POLR3B: variants seen among roughly 807,000 people sequenced by gnomAD.
POLR3B encodes the protein RNA polymerase III subunit B, also known as DNA-directed RNA polymerase III subunit RPC2.
In POLR3B, 96 loss-of-function variants were observed where a neutral mutation model predicts 147.4. The observed-to-expected ratio is 0.65, with a 90% CI of 0.55 to 0.77. POLR3B has a LOEUF of 0.77. POLR3B is among the 30% of genes least tolerant of loss of function. The pLI is 0.00. For missense variants in POLR3B, 1,036 were observed against 1,413.5 expected (o/e 0.73, Z 4.28); for synonymous variants, 461 against 485.9 (o/e 0.95, Z 0.67).
At chr12:106,390,225 A>C (rs1008601886) in intron 9 of POLR3B, among the ~76,000 whole-genome samples, 1 of 149,984 alleles carries the variant, frequency 6.7e-6, no homozygotes, top group Non-Finnish European at 1.5e-5. Context: ...CTCTGAAAAA[A>C]AAAAAAAAGC....
At position 106,496,814 on chromosome 12, in the gene POLR3B, C is replaced by G; in HGVS notation, c.2880C>G (p.Tyr960Ter). The change falls in exon 25 of 28, where the codon TAC (tyrosine) becomes TAG (stop). Residue 960 changes from tyrosine to a stop codon, truncating the protein, a stop_gained. Transcript: ENST00000228347. LOFTEE classifies it high-confidence loss of function. ...KAGVLDGRFH[Y>*]GTAFGGSKVK... The stretch of plus-strand genomic sequence containing the variant: ...GTGTGCTGGACGGCAGATTCCACTA[C>G]GGCACTGCGTTTGGAGGCAGTAAAG... The G allele has an allele frequency of 6.2e-7, 1 of 1,614,042 alleles. No homozygotes were observed. The highest frequency in any genetic ancestry group is 8.5e-7 in the Non-Finnish European group (1 of 1,179,984).
intron 18 of POLR3B, among the ~76,000 whole-genome samples, chr12:106,440,604 C>A (rs915529524): frequency 3.3e-5 from 5 of 152,120 alleles, no homozygotes; most frequent in African/African-American, 9.7e-5. Context: ...CTCTCACATA[C>A]CTGCATGGCT....
At position 106,496,897 on chromosome 12, in the gene POLR3B, A is replaced by G. The variant is rs149257714; in HGVS notation, c.2963A>G (p.Tyr988Cys). The stretch of plus-strand genomic sequence containing the variant: ...GGTTATAACTACTTGGGGAAAGACT[A>G]TGTTACATCCGGCATCACAGGGTAA... ...RHGYNYLGKD[Y>C]VTSGITGEPL... Residue 988 changes from tyrosine (Y) to cysteine (C), a missense_variant, in exon 25 of 28, where the codon TAT becomes TGT. By Grantham distance (194) the Tyr-to-Cys change is radical. Transcript: ENST00000228347. 22 of 1,614,024 alleles carry G rather than the reference A, an allele frequency of 1.4e-5. No individual in the cohort carries two copies. The African/African-American group carries it at 1.5e-4, about 11-fold the overall frequency.
chr12:106,395,409 C>T (rs1053384236), intron 10 of POLR3B, among the ~76,000 whole-genome samples: 5 of 151,904 alleles, frequency 3.3e-5, no homozygotes, highest in East Asian at 1.9e-4. Flanking sequence ...AGCAAGAGAG[C>T]GTGAGGGAGG....
At chr12:106,438,639 C>T (rs1409647913) in intron 18 of POLR3B, among the ~76,000 whole-genome samples, 1 of 152,132 alleles carries the variant, frequency 6.6e-6, no homozygotes, top group Non-Finnish European at 1.5e-5. Flanking sequence ...GGATTACAGG[C>T]ATGAGCCACC....
chr12:106,443,871 C>T (rs2137016374), intron 18 of POLR3B, among the ~76,000 whole-genome samples: 1 of 151,804 alleles, frequency 6.6e-6, no homozygotes, highest in South Asian at 2.1e-4. Flanking sequence ...TCTCGCCAGG[C>T]TGGAGTGCAG....
At chr12:106,475,119 A>T (rs1415045972) in intron 23 of POLR3B, among the ~76,000 whole-genome samples, 3 of 119,368 alleles carry the variant, frequency 2.5e-5, no homozygotes, top group Non-Finnish European at 5.0e-5. Flanking sequence ...TCATTTCGTT[A>T]TGTACCCAGT....
chr12:106,369,297 C>T lies in POLR3B; in HGVS notation c.250C>T (p.Leu84Phe). The change falls in exon 5 of 28, where the codon CTT (leucine) becomes TTT (phenylalanine). Residue 84 changes from leucine to phenylalanine, a missense_variant. Leu to Phe is a conservative substitution (Grantham distance 22). This residue lies in a region of POLR3B where 150 missense variants were observed against 145.5 expected (regional missense o/e 1.03). Transcript: ENST00000228347. ...YLKYLNIYVGLPDVEESFNVT... is the reference protein window; with the variant it reads ...YLKYLNIYVGFPDVEESFNVT... ...CAGATATCTTAATATCTATGTTGGGCTTCCTGATGTTGAAGAAAGCTTCAA... is the reference window on the plus strand; with the variant it reads ...CAGATATCTTAATATCTATGTTGGGTTTCCTGATGTTGAAGAAAGCTTCAA... 1 of 1,595,210 alleles carries T rather than the reference C, an allele frequency of 6.3e-7. No individual in the cohort carries two copies. The highest frequency in any genetic ancestry group is 1.1e-5 in the South Asian group (1 of 90,694).
At chr12:106,426,267 T>TGTGTGTGTGTGTG (rs1565892652) in intron 12 of POLR3B, among the ~76,000 whole-genome samples, 5 of 148,996 alleles carry the variant, frequency 3.4e-5, no homozygotes, top group Non-Finnish European at 4.5e-5. Context: ...TGTGTGTGTG[T>TGTGTGTGTGTGTG]TTAAGACAGA....
At chr12:106,453,796 G>A (rs2137027092) in intron 19 of POLR3B, among the ~76,000 whole-genome samples, 1 of 152,212 alleles carries the variant, frequency 6.6e-6, no homozygotes, top group African/African-American at 2.4e-5. Flanking sequence ...ACACCCATCC[G>A]AGGAACAATC....
chr12:106,459,803 G>A (rs1340778350), intron 22 of POLR3B, among the ~76,000 whole-genome samples: 1 of 152,166 alleles, frequency 6.6e-6, no homozygotes, highest in Admixed American at 6.6e-5. Context: ...TCTAGTAGAC[G>A]TTGTTTTGTG....
intron 19 of POLR3B, among the ~76,000 whole-genome samples, chr12:106,452,912 CT>C (rs2037814761): frequency 6.6e-6 from 1 of 152,006 alleles, no homozygotes; most frequent in African/African-American, 2.4e-5. Flanking sequence ...TATTGAGCAT[CT>C]ATAATAAGCA....
chr12:106,399,111 A>G (rs1469608708), intron 10 of POLR3B, among the ~76,000 whole-genome samples: 1 of 152,234 alleles, frequency 6.6e-6, no homozygotes, highest in Non-Finnish European at 1.5e-5. Flanking sequence ...GCTAACTAGA[A>G]TAACCAATGC....
At chr12:106,371,905 G>A (rs534319056) in intron 6 of POLR3B, among the ~76,000 whole-genome samples, 67 of 151,498 alleles carry the variant, frequency 4.4e-4, no homozygotes, top group Non-Finnish European at 7.1e-4. Flanking sequence ...TAACCTGCAC[G>A]TTGTGCACAT....
In POLR3B at chr12:106,504,801, C is replaced by T. The variant is rs1485385948; in HGVS notation, c.3272+547C>T. Among the ~76,000 whole-genome samples, 1 of 152,178 alleles carries T rather than the reference C, an allele frequency of 6.6e-6. No homozygotes were observed. The highest frequency in any genetic ancestry group is 1.5e-5 in the Non-Finnish European group (1 of 68,032). ...ACTGTAGATTCTGTGAGGGCAGAAA[C>T]CGGGTCTGTCTCAGTAATTTATTCA... On this transcript the variant is annotated intron_variant, in intron 27 of 27. Transcript: ENST00000228347. The surrounding 1 kb of genome is among the most constrained non-coding windows in gnomAD (Gnocchi z 4.6).
At chr12:106,429,668 A>G (rs1247639462) in intron 13 of POLR3B, among the ~76,000 whole-genome samples, 1 of 152,192 alleles carries the variant, frequency 6.6e-6, no homozygotes, top group Non-Finnish European at 1.5e-5. Context: ...TAATAATGAC[A>G]CAGTGGCCAC....
At chr12:106,480,823 C>G (rs1592766540) in intron 23 of POLR3B, among the ~76,000 whole-genome samples, 1 of 140,650 alleles carries the variant, frequency 7.1e-6, no homozygotes, top group African/African-American at 2.7e-5. Flanking sequence ...TTCTTGTGGG[C>G]AAGAAGGAAA....
At chr12:106,374,363 G>A (rs1160617291) in intron 6 of POLR3B, among the ~76,000 whole-genome samples, 1 of 151,928 alleles carries the variant, frequency 6.6e-6, no homozygotes, top group Non-Finnish European at 1.5e-5. Context: ...GACTATAAGT[G>A]CACCACCACA....
intron 10 of POLR3B, among the ~76,000 whole-genome samples, chr12:106,405,381 C>T (rs1230660851): frequency 6.6e-6 from 1 of 151,832 alleles, no homozygotes; most frequent in Admixed American, 6.6e-5. Context: ...ATGTCATGAC[C>T]CTTAATTTAT....
Sources: allele counts gnomAD v4.1 joint callset (sites outside exome capture counted in the v4.1 genomes callset), GRCh38; gene constraint gnomAD v4.1.1; regional missense constraint gnomAD v4.1.1; non-coding constraint Gnocchi (gnomAD v3.1); transcripts MANE v1.5; gene names NCBI Gene and HGNC (gene_info 2026-07-23, HGNC 2026-07-21).